MDGA2: variants seen among roughly 807,000 people sequenced by gnomAD.
MDGA2 encodes MAM domain-containing glycosylphosphatidylinositol anchor protein 2.
MDGA2 carries 40 observed loss-of-function variants against 117.8 expected under a neutral mutation model. The observed-to-expected ratio is 0.34, with a 90% CI of 0.26 to 0.44. The LOEUF (loss-of-function observed/expected upper bound fraction) is 0.44, where lower values mean the gene tolerates loss of function less well. Among genes scored for constraint, MDGA2 ranks in the 20% least tolerant of loss-of-function variants. The probability of loss-of-function intolerance (pLI) is 1.00; values close to 1 mark genes in which losing one functional copy is unlikely to be tolerated. For missense variants in MDGA2, 1,123 were observed against 1,250.6 expected, an observed-to-expected ratio of 0.90 and a Z score of 1.54; for synonymous variants, 452 against 439.0, an observed-to-expected ratio of 1.03 and a Z score of -0.37.
chr14:47,119,169 G>GCCGCCC (rs1881501331), intron 5 of MDGA2, among the ~76,000 whole-genome samples: 10 of 19,398 alleles, frequency 5.2e-4, no homozygotes, highest in Admixed American at 7.2e-4. Flanking sequence ...TCCTGCCTCA[G>GCCGCCC]CCCCGCCCCC....
intron 8 of MDGA2, among the ~76,000 whole-genome samples, chr14:46,966,937 G>C (rs1007386965): frequency 7.1e-6 from 1 of 139,920 alleles, no homozygotes; most frequent in African/African-American, 2.5e-5. Context: ...GAGAGAGTAA[G>C]TAGTTCATGC....
At chr14:47,528,776 T>A (rs1895027566) in intron 1 of MDGA2, among the ~76,000 whole-genome samples, 1 of 152,164 alleles carries the variant, frequency 6.6e-6, no homozygotes, top group Non-Finnish European at 1.5e-5. Context: ...TTACATAGCC[T>A]TAAATAAATT....
chr14:47,063,563 A>G (rs1442216681), intron 6 of MDGA2, among the ~76,000 whole-genome samples: 1 of 152,006 alleles, frequency 6.6e-6, no homozygotes, highest in Non-Finnish European at 1.5e-5. Context: ...GTACAAAGCA[A>G]ATCATATGAG....
intron 1 of MDGA2, among the ~76,000 whole-genome samples, chr14:47,363,934 T>C (rs1051152643): frequency 2.0e-5 from 3 of 152,198 alleles, no homozygotes; most frequent in African/African-American, 7.2e-5. Context: ...CTTTGCATTT[T>C]AAAAAATTTG....
intron 3 of MDGA2, among the ~76,000 whole-genome samples, chr14:47,213,312 C>T (rs562866328): frequency 8.5e-5 from 13 of 152,146 alleles, no homozygotes; most frequent in African/African-American, 3.1e-4. Context: ...CATTTTGATT[C>T]CTAATTTTTT....
At chr14:47,641,979 A>C (rs1897433770) in intron 1 of MDGA2, among the ~76,000 whole-genome samples, 1 of 152,060 alleles carries the variant, frequency 6.6e-6, no homozygotes, top group Admixed American at 6.6e-5. Context: ...GCTAGAACCC[A>C]AGTGGTGAAG....
intron 2 of MDGA2, among the ~76,000 whole-genome samples, chr14:47,269,289 T>C (rs1337671351): frequency 2.0e-5 from 3 of 152,160 alleles, no homozygotes; most frequent in Non-Finnish European, 2.9e-5. Context: ...ATGGTCATCA[T>C]TAACTATATT....
chr14:47,516,726 G>T (rs1894760304), intron 1 of MDGA2, among the ~76,000 whole-genome samples: 1 of 152,138 alleles, frequency 6.6e-6, no homozygotes, highest in South Asian at 2.1e-4. Flanking sequence ...GATAAGCAAA[G>T]CCAAACTTCA....
intron 3 of MDGA2, among the ~76,000 whole-genome samples, chr14:47,146,631 C>CT (rs972426642): frequency 6.6e-6 from 1 of 152,094 alleles, no homozygotes; most frequent in African/African-American, 2.4e-5. Context: ...AAACAATTTA[C>CT]TTTTTTTCTT....
At chr14:47,640,897 G>C (rs1209629055) in intron 1 of MDGA2, among the ~76,000 whole-genome samples, 1 of 152,098 alleles carries the variant, frequency 6.6e-6, no homozygotes, top group Non-Finnish European at 1.5e-5. Context: ...AGGAGCACTT[G>C]TTTCTGGTTC....
chr14:47,234,511 T>G (rs1186059991), intron 2 of MDGA2, among the ~76,000 whole-genome samples: 1 of 152,114 alleles, frequency 6.6e-6, no homozygotes, highest in Admixed American at 6.6e-5. Context: ...CTTCTATACT[T>G]GATTCCCAAG....
chr14:47,291,922 T>G (rs1421391209), intron 2 of MDGA2, among the ~76,000 whole-genome samples: 1 of 152,222 alleles, frequency 6.6e-6, no homozygotes, highest in Admixed American at 6.5e-5. Context: ...GGCAGATATG[T>G]ACATGTGGAT....
chr14:47,328,892 A>G (rs1275413028), intron 1 of MDGA2, among the ~76,000 whole-genome samples: 1 of 152,108 alleles, frequency 6.6e-6, no homozygotes, highest in Non-Finnish European at 1.5e-5. Flanking sequence ...TGCATCCCCA[A>G]ATAAAAAAGA....
chr14:47,263,079 G>C (rs967801634), intron 2 of MDGA2, among the ~76,000 whole-genome samples: 4 of 152,022 alleles, frequency 2.6e-5, no homozygotes, highest in African/African-American at 9.7e-5. Context: ...AATTTAGCAG[G>C]GTAATTCTTG....
intron 1 of MDGA2, among the ~76,000 whole-genome samples, chr14:47,648,244 CTATT>C (rs1396873315): frequency 6.6e-6 from 1 of 152,128 alleles, no homozygotes; most frequent in East Asian, 1.9e-4. Context: ...TAACCTTTCA[CTATT>C]TATGCAGTCT....
chr14:47,466,009 T>C (rs1594871194), intron 1 of MDGA2, among the ~76,000 whole-genome samples: 1 of 152,298 alleles, frequency 6.6e-6, no homozygotes, highest in East Asian at 1.9e-4. Context: ...CAAGATCATG[T>C]CTTTTGTGGG....
At chr14:47,086,075 T>C (rs150526634) in intron 6 of MDGA2, among the ~76,000 whole-genome samples, 5 of 150,664 alleles carry the variant, frequency 3.3e-5, no homozygotes, top group African/African-American at 1.2e-4. Flanking sequence ...ACCGTGATTA[T>C]GGACTTTCAA....
intron 9 of MDGA2, among the ~76,000 whole-genome samples, chr14:46,925,525 G>A (rs1370944249): frequency 6.6e-6 from 1 of 150,962 alleles, no homozygotes; most frequent in Non-Finnish European, 1.5e-5. Flanking sequence ...CCAGCTATTC[G>A]GGAGGCTGAG....
At chr14:47,542,937 C>T (rs1333496069) in intron 1 of MDGA2, among the ~76,000 whole-genome samples, 2 of 152,280 alleles carry the variant, frequency 1.3e-5, no homozygotes, top group Non-Finnish European at 2.9e-5. Context: ...AGGCTGGGTG[C>T]ACTGGCTCAC....
Sources: gnomAD v4.1 joint callset for allele counts (sites outside exome capture counted in the v4.1 genomes callset) on GRCh38, gnomAD v4.1.1 for gene constraint, MANE v1.5 for transcripts, NCBI Gene and HGNC (gene_info 2026-07-23, HGNC 2026-07-21) for gene names.